CNPY1: variants seen among roughly 807,000 people sequenced by gnomAD.
CNPY1 encodes the protein canopy FGF signaling regulator 1.
A neutral mutation model predicts 14.4 loss-of-function variants in CNPY1; 14 were observed. The observed-to-expected ratio is 0.97, with a 90% CI of 0.64 to 1.52. CNPY1 has a LOEUF of 1.52. Among genes scored for constraint, CNPY1 ranks in the 40% most tolerant of loss-of-function variants. The probability of loss-of-function intolerance (pLI) is 0.00; values close to 1 mark genes in which losing one functional copy is unlikely to be tolerated. For synonymous variants in CNPY1, 43 were observed against 46.5 expected (o/e 0.92, Z 0.31); for missense variants, 129 against 131.5 (o/e 0.98, Z 0.09).
chr7:155,524,218 G>C (rs1351295647), intron 2 of CNPY1, among the ~76,000 whole-genome samples: 3 of 152,226 alleles, frequency 2.0e-5, no homozygotes, highest in African/African-American at 7.2e-5. Flanking sequence ...CTGCCCCGAG[G>C]CTAGAGGTGG....
intron 4 of CNPY1, 63 bp from the exon 5 acceptor site, chr7:155,503,168 T>C: frequency 7.8e-7 from 1 of 1,287,220 alleles, no homozygotes; most frequent in Non-Finnish European, 1.1e-6. Flanking sequence ...CGTTAAGTCA[T>C]TTACATTATG....
Position 155,517,842 on chromosome 7 carries a change from T to G in CNPY1, c.100-8745A>C, listed in dbSNP as rs1223312650. Among the ~76,000 whole-genome samples, 3 of 152,366 alleles carry G rather than the reference T, an allele frequency of 2.0e-5. 1 individual carries two copies. The South Asian group carries it at 6.2e-4, about 32-fold the overall frequency. ...ATATCCACCTTAATCAAGTAATTGG[T>G]TGGAAAATCCTTCAAAACATTTGAT... is the stretch of plus-strand genomic sequence containing the variant. On this transcript the variant is annotated intron_variant, in intron 2 of 4. Transcript: ENST00000636446.
At position 155,509,115 on chromosome 7, in the gene CNPY1, G is replaced by A; in HGVS notation, c.100-18C>T. ...AGGGGGATCTAAGAAGAAAGACAGG[G>A]CGAGGAAACTTGTCTTAATGTTAAT... On this transcript the variant is annotated intron_variant, in intron 2 of 4. Coordinates refer to ENST00000636446, the MANE Select transcript of CNPY1 (RefSeq NM_001393663.1). The A allele has an allele frequency of 6.9e-7, 1 of 1,455,104 alleles. No homozygotes were observed. The highest frequency in any genetic ancestry group is 1.8e-4 in the Middle Eastern group (1 of 5,592). 90.1% of individuals were successfully genotyped at this position (1,455,104 alleles called of 1,614,324 possible).
intron 2 of CNPY1, among the ~76,000 whole-genome samples, chr7:155,527,527 G>A (rs891173345): frequency 7.7e-5 from 10 of 129,638 alleles, no homozygotes; most frequent in East Asian, 7.0e-4. Flanking sequence ...TTGCAGCCTC[G>A]TCCTCTTGGG....
intron 2 of CNPY1, among the ~76,000 whole-genome samples, chr7:155,528,274 G>A (rs142406754): frequency 1.3e-5 from 2 of 152,294 alleles, no homozygotes; most frequent in Admixed American, 6.5e-5. Context: ...CCTTATCCTC[G>A]CCAGCACTTT....
intron 2 of CNPY1, among the ~76,000 whole-genome samples, chr7:155,539,103 G>A (rs28474733): frequency 0.014 from 2,045 of 147,716 alleles, 40 homozygotes; most frequent in African/African-American, 0.047. Flanking sequence ...AGCGTAGGCC[G>A]CTAAGCCAAA....
intron 2 of CNPY1, among the ~76,000 whole-genome samples, chr7:155,525,838 G>A (rs1796810030): frequency 6.6e-6 from 1 of 152,176 alleles, no homozygotes; most frequent in Non-Finnish European, 1.5e-5. Flanking sequence ...AGGTGAACAG[G>A]TGCCTAACTC....
chr7:155,505,095 A>G (rs1360703082), intron 4 of CNPY1, among the ~76,000 whole-genome samples: 2 of 152,186 alleles, frequency 1.3e-5, no homozygotes, highest in Non-Finnish European at 2.9e-5. Context: ...CTTCAACAGT[A>G]GGGCTTTTTG....
rs552886793 is a variant in CNPY1 at position 155,536,897 on chromosome 7, GTGA to G, written c.99+8931_99+8933del. On this transcript the variant is annotated intron_variant, in intron 2 of 4. Transcript: ENST00000636446. The surrounding 1 kb of genome is among the most constrained non-coding windows in gnomAD (Gnocchi z 4.1). ...ATGCCAGCAATTTAAATAAAAATGA[GTGA>G]TGGTGTTTCTCTTTTTAAATAAGAT... 2.6e-4 allele frequency among the ~76,000 whole-genome samples: 40 copies of G among 152,338 alleles called. No individual in the cohort carries two copies. In the East Asian group the frequency reaches 7.7e-3, roughly 29 times the overall value.
At chr7:155,517,870 G>A (rs137862500) in intron 2 of CNPY1, among the ~76,000 whole-genome samples, 17 of 152,356 alleles carry the variant, frequency 1.1e-4, no homozygotes, top group African/African-American at 4.1e-4. Flanking sequence ...CATTTGATGC[G>A]ATACAGAAAG....
intron 2 of CNPY1, among the ~76,000 whole-genome samples, chr7:155,518,857 C>T (rs188484577): frequency 4.1e-4 from 62 of 152,280 alleles, no homozygotes; most frequent in Non-Finnish European, 4.1e-4. Context: ...GGCTACCTTG[C>T]GCAGGCACAT....
chr7:155,519,977 A>T lies in CNPY1; in HGVS notation c.100-10880T>A, dbSNP rs143429127. Among the ~76,000 whole-genome samples, 595 of 152,310 alleles carry T rather than the reference A, an allele frequency of 3.9e-3. 2 individuals carry two copies. Among genetic ancestry groups the T allele is most frequent in the African/African-American group, 0.014 (573 of 41,570 alleles). ...ACATTTGGGGTATTGACAACATTTTAAAAATGATCAGTAACTCTGCTATGA... is the reference window on the plus strand; with the variant it reads ...ACATTTGGGGTATTGACAACATTTTTAAAATGATCAGTAACTCTGCTATGA... On this transcript the variant is annotated intron_variant, in intron 2 of 4. Coordinates refer to ENST00000636446, the MANE Select transcript of CNPY1 (RefSeq NM_001393663.1).
chr7:155,502,543 A>G lies in CNPY1; in HGVS notation c.*525T>C, dbSNP rs1421850335. The G allele has an allele frequency of 6.6e-6, 1 of 152,360 alleles. No individual in the cohort carries two copies. Among genetic ancestry groups the G allele is most frequent in the Non-Finnish European group, 1.5e-5 (1 of 68,138 alleles). The allele number at this position is 152,360 out of a possible 1,614,324, so 9.4% of individuals were successfully genotyped here. A position where few individuals can be genotyped will look rare whatever the true frequency, so the allele number is the denominator to read the frequency against. ...TAAACTTGTGGTTTCTAAAAATTTT[A>G]ATTTCATTCCTGATAAAAAGTGGGT... On this transcript the variant is annotated 3_prime_UTR_variant, in exon 5 of 5. Coordinates refer to ENST00000636446, the MANE Select transcript of CNPY1 (RefSeq NM_001393663.1).
chr7:155,506,844 T>G, intron 4 of CNPY1, 176 bp downstream of exon 4: 5 of 626,438 alleles, frequency 8.0e-6, no homozygotes, highest in East Asian at 2.9e-5. Flanking sequence ...GTGGTTTCTG[T>G]TTATCTGTTT....
chr7:155,527,064 T>C (rs1292920900), intron 2 of CNPY1, among the ~76,000 whole-genome samples: 69 of 143,572 alleles, frequency 4.8e-4, no homozygotes, highest in Non-Finnish European at 5.1e-4. Flanking sequence ...CTTTTTTTTT[T>C]TTTTTTTGAG....
chr7:155,521,428 C>G (rs942405332), intron 2 of CNPY1, among the ~76,000 whole-genome samples: 1 of 152,304 alleles, frequency 6.6e-6, no homozygotes. Flanking sequence ...GCTAAGATCC[C>G]CTTGCTTGCT....
intron 2 of CNPY1, among the ~76,000 whole-genome samples, chr7:155,527,383 TTTCTC>T (rs1251668856): frequency 6.6e-6 from 1 of 151,540 alleles, no homozygotes; most frequent in Non-Finnish European, 1.5e-5. Flanking sequence ...ACATGCGTCT[TTTCTC>T]TTATCTCTTG....
chr7:155,515,369 C>A (rs1243676436), intron 2 of CNPY1, among the ~76,000 whole-genome samples: 1 of 147,530 alleles, frequency 6.8e-6, no homozygotes, highest in African/African-American at 2.5e-5. Flanking sequence ...GAACAAGAGG[C>A]TCTTCCACCT....
At chr7:155,540,338 G>A (rs537780236) in intron 2 of CNPY1, among the ~76,000 whole-genome samples, 49 of 152,272 alleles carry the variant, frequency 3.2e-4, no homozygotes, top group African/African-American at 1.1e-3. Flanking sequence ...TCATCTTAGC[G>A]CTAGCAAATG....
Sources: gnomAD v4.1 joint callset for allele counts (sites outside exome capture counted in the v4.1 genomes callset) on GRCh38, gnomAD v4.1.1 for gene constraint, Gnocchi (gnomAD v3.1) non-coding constraint, MANE v1.5 for transcripts, NCBI Gene and HGNC (gene_info 2026-07-23, HGNC 2026-07-21) for gene names.